Variants in PLGRKT observed in about 807,000 individuals in gnomAD.
The protein encoded by PLGRKT is plasminogen receptor (KT).
Under a neutral mutation model 18.5 loss-of-function variants are expected in PLGRKT, and 22 were observed. That is an observed-to-expected ratio of 1.19 (90% CI 0.85 to 1.70). The LOEUF (loss-of-function observed/expected upper bound fraction) is 1.70. PLGRKT is among the 40% of genes most tolerant of loss of function. PLGRKT has a pLI of 0.00. For synonymous variants in PLGRKT, 72 were observed against 52.8 expected (o/e 1.36, Z -1.58); for missense variants, 235 against 174.4 (o/e 1.35, Z -1.96).
At chr9:5,424,123 AAT>A (rs1046407930) in intron 3 of PLGRKT, among the ~76,000 whole-genome samples, 2 of 142,294 alleles carry the variant, frequency 1.4e-5, no homozygotes, top group African/African-American at 5.1e-5. Context: ...TCTATATTAT[AAT>A]ATATATTACA....
intron 3 of PLGRKT, among the ~76,000 whole-genome samples, chr9:5,411,087 G>C (rs1233311477): frequency 6.6e-6 from 1 of 152,062 alleles, no homozygotes; most frequent in East Asian, 1.9e-4. Context: ...AAGCAGACAA[G>C]AAAAGATGGA....
Position 5,426,979 on chromosome 9 carries a change from A to G in PLGRKT, c.81+4918T>C, listed in dbSNP as rs376102501. 2.6e-5 allele frequency among the ~76,000 whole-genome samples: 4 copies of G among 152,202 alleles called. No individual in the cohort carries two copies. In the East Asian group the frequency reaches 7.7e-4, roughly 29 times the overall value. Reference sequence around the variant, plus strand: ...GTAATAAAGTCTTCTGCCAGCATCCATGAAATAATAACAGGCTAATTTATT... The same window carrying G: ...GTAATAAAGTCTTCTGCCAGCATCCGTGAAATAATAACAGGCTAATTTATT... On this transcript the variant is annotated intron_variant, in intron 3 of 5. Coordinates refer to ENST00000223864, the MANE Select transcript of PLGRKT (RefSeq NM_018465.4).
chr9:5,381,733 A>T (rs747297535), intron 3 of PLGRKT: 27 of 205,576 alleles, frequency 1.3e-4, no homozygotes, highest in Admixed American at 4.6e-4. Flanking sequence ...GAGGGTGAGC[A>T]GGTTCTTCAC....
chr9:5,394,574 G>A lies in PLGRKT; in HGVS notation c.82-32686C>T, dbSNP rs149222300. Among the ~76,000 whole-genome samples the A allele has an allele frequency of 4.3e-3, 648 of 151,540 alleles. 18 individuals carry two copies. Among genetic ancestry groups the A allele is most frequent in the African/African-American group, 0.015 (627 of 41,076 alleles). The stretch of plus-strand genomic sequence containing the variant: ...ATTACAGGCGCCCACCACCATGCCC[G>A]GCTAATTTTTGTATTTTCAGTAGAG... On this transcript the variant is annotated intron_variant, in intron 3 of 5. Transcript: ENST00000223864.
intron 3 of PLGRKT, among the ~76,000 whole-genome samples, chr9:5,407,211 C>G (rs1160868659): frequency 6.6e-6 from 1 of 152,074 alleles, no homozygotes; most frequent in Admixed American, 6.5e-5. Flanking sequence ...AATTCAGATG[C>G]TAAATGACAA....
intron 3 of PLGRKT, among the ~76,000 whole-genome samples, chr9:5,398,302 G>C (rs1563779221): frequency 6.6e-6 from 1 of 151,846 alleles, no homozygotes; most frequent in Non-Finnish European, 1.5e-5. Context: ...ACTGCAGCAT[G>C]CCAGGGACCC....
intron 3 of PLGRKT, among the ~76,000 whole-genome samples, chr9:5,393,258 C>T (rs894114833): frequency 7.9e-5 from 12 of 151,862 alleles, no homozygotes; most frequent in Admixed American, 5.2e-4. Flanking sequence ...TTTGTTCCTC[C>T]TACCATGTAC....
intron 3 of PLGRKT, among the ~76,000 whole-genome samples, chr9:5,429,251 A>G (rs761980852): frequency 9.2e-5 from 14 of 152,214 alleles, no homozygotes; most frequent in Non-Finnish European, 1.9e-4. Flanking sequence ...GACCCCTTCT[A>G]GGTGGTCTAA....
At chr9:5,406,247 T>G (rs1466567760) in intron 3 of PLGRKT, among the ~76,000 whole-genome samples, 1 of 152,138 alleles carries the variant, frequency 6.6e-6, no homozygotes. Flanking sequence ...GACCCAGCAA[T>G]CCCATTACTG....
At chr9:5,397,532 G>T (rs763963622) in intron 3 of PLGRKT, among the ~76,000 whole-genome samples, 1 of 151,612 alleles carries the variant, frequency 6.6e-6, no homozygotes, top group Non-Finnish European at 1.5e-5. Flanking sequence ...AAGAAAAGAG[G>T]GCAGGAAGGA....
intron 3 of PLGRKT, among the ~76,000 whole-genome samples, chr9:5,394,177 G>A (rs1818001411): frequency 6.6e-6 from 1 of 151,828 alleles, no homozygotes; most frequent in Admixed American, 6.5e-5. Context: ...ACTTTTTGAT[G>A]TTGTGACTAA....
intron 3 of PLGRKT, among the ~76,000 whole-genome samples, chr9:5,374,970 C>A (rs1817600414): frequency 6.6e-6 from 1 of 152,094 alleles, no homozygotes; most frequent in African/African-American, 2.4e-5. Context: ...CCAGTTACAA[C>A]CAGCAAATCT....
chr9:5,385,726 T>A (rs936394887), intron 3 of PLGRKT, among the ~76,000 whole-genome samples: 12 of 151,544 alleles, frequency 7.9e-5, no homozygotes, highest in Non-Finnish European at 1.5e-4. Flanking sequence ...CAGCCAAAAT[T>A]TGTGGTCTAT....
chr9:5,362,337 A>G (rs1348660915), intron 3 of PLGRKT, among the ~76,000 whole-genome samples: 1 of 152,182 alleles, frequency 6.6e-6, no homozygotes, highest in Non-Finnish European at 1.5e-5. Context: ...TCATACCACA[A>G]TATCATAGTA....
At chr9:5,362,913 G>A (rs1817298476) in intron 3 of PLGRKT, among the ~76,000 whole-genome samples, 1 of 152,114 alleles carries the variant, frequency 6.6e-6, no homozygotes, top group South Asian at 2.1e-4. Flanking sequence ...AGAATTCTGG[G>A]AGGGAGCAGC....
At chr9:5,365,574 C>CT (rs1418791164) in intron 3 of PLGRKT, among the ~76,000 whole-genome samples, 1 of 152,040 alleles carries the variant, frequency 6.6e-6, no homozygotes, top group East Asian at 1.9e-4. Context: ...GATGAAGAAG[C>CT]TAAAGAGACA....
intron 3 of PLGRKT, among the ~76,000 whole-genome samples, chr9:5,408,222 C>T (rs541870557): frequency 6.4e-4 from 97 of 152,252 alleles, no homozygotes; most frequent in Non-Finnish European, 9.0e-4. Flanking sequence ...AGAAGGATGA[C>T]GGAAAGTTGG....
At chr9:5,421,951 T>C (rs1281469542) in intron 3 of PLGRKT, among the ~76,000 whole-genome samples, 1 of 152,326 alleles carries the variant, frequency 6.6e-6, no homozygotes, top group Non-Finnish European at 1.5e-5. Flanking sequence ...AAAAGTTATT[T>C]GGTAAATTGT....
intron 3 of PLGRKT, among the ~76,000 whole-genome samples, chr9:5,420,879 G>A (rs559948578): frequency 7.2e-5 from 11 of 152,164 alleles, no homozygotes; most frequent in Admixed American, 7.2e-4. Flanking sequence ...AAAACAGATG[G>A]GGGGCACAAG....
Sources: gnomAD v4.1 joint callset for allele counts (sites outside exome capture counted in the v4.1 genomes callset) on GRCh38, gnomAD v4.1.1 for gene constraint, MANE v1.5 for transcripts, NCBI Gene and HGNC (gene_info 2026-07-23, HGNC 2026-07-21) for gene names.